ASIC2: variants seen among roughly 807,000 people sequenced by gnomAD.
ASIC2 encodes acid-sensing ion channel 2.
ASIC2 carries 25 observed loss-of-function variants against 57.3 expected under a neutral mutation model. That is an observed-to-expected ratio of 0.44 (90% CI 0.32 to 0.61). ASIC2 has a LOEUF of 0.61. Ranked by LOEUF, ASIC2 falls within the 20% of genes least tolerant of loss-of-function variation. The probability of loss-of-function intolerance (pLI) is 0.06; values close to 1 mark genes in which losing one functional copy is unlikely to be tolerated. For synonymous variants in ASIC2, 319 were observed against 307.5 expected (o/e 1.04, Z -0.39); for missense variants, 641 against 738.1 (o/e 0.87, Z 1.52).
At chr17:34,029,284 C>T (rs1019580066) in intron 1 of ASIC2, among the ~76,000 whole-genome samples, 7 of 150,196 alleles carry the variant, frequency 4.7e-5, no homozygotes, top group African/African-American at 1.7e-4. Flanking sequence ...CTATTACTGT[C>T]ATCCAGTGTC....
intron 1 of ASIC2, among the ~76,000 whole-genome samples, chr17:33,703,334 T>C (rs1368884182): frequency 6.6e-6 from 1 of 151,388 alleles, no homozygotes; most frequent in Admixed American, 6.6e-5. Flanking sequence ...TTTTTTTTTG[T>C]TGCTGTTGTT....
intron 1 of ASIC2, among the ~76,000 whole-genome samples, chr17:33,277,639 A>G (rs1297949723): frequency 1.3e-5 from 2 of 152,186 alleles, no homozygotes; most frequent in African/African-American, 4.8e-5. Context: ...GCCCTGGTGA[A>G]GATTAATCAG....
At chr17:33,789,552 C>T (rs1911706016) in intron 1 of ASIC2, among the ~76,000 whole-genome samples, 1 of 151,892 alleles carries the variant, frequency 6.6e-6, no homozygotes, top group South Asian at 2.1e-4. Context: ...ATGGGCTCCC[C>T]CTCTGAAGCC....
At chr17:33,506,005 T>C (rs1914239538) in intron 1 of ASIC2, among the ~76,000 whole-genome samples, 2 of 152,230 alleles carry the variant, frequency 1.3e-5, no homozygotes, top group Non-Finnish European at 2.9e-5. Flanking sequence ...AGCAGGTTTT[T>C]GATGAGATGG....
intron 1 of ASIC2, among the ~76,000 whole-genome samples, chr17:33,864,196 C>T (rs1210448914): frequency 6.6e-6 from 1 of 152,094 alleles, no homozygotes; most frequent in African/African-American, 2.4e-5. Context: ...CGTGAGCCAC[C>T]CCGCCTGGCC....
intron 1 of ASIC2, among the ~76,000 whole-genome samples, chr17:33,820,564 T>C (rs2141892672): frequency 6.6e-6 from 1 of 152,314 alleles, no homozygotes; most frequent in South Asian, 2.1e-4. Context: ...TACAAGTCAG[T>C]CAATAAGGTT....
chr17:33,799,486 CTT>C (rs1377057386), intron 1 of ASIC2, among the ~76,000 whole-genome samples: 3 of 138,644 alleles, frequency 2.2e-5, no homozygotes, highest in Admixed American at 1.5e-4. Context: ...TTCCTTCTTT[CTT>C]TCTTTCTTAC....
intron 1 of ASIC2, among the ~76,000 whole-genome samples, chr17:33,885,778 A>G (rs1467723691): frequency 6.6e-6 from 1 of 152,238 alleles, no homozygotes; most frequent in African/African-American, 2.4e-5. Context: ...TTAATTCCTT[A>G]GGAGGGATTT....
intron 1 of ASIC2, among the ~76,000 whole-genome samples, chr17:33,605,287 C>T (rs760312174): frequency 7.2e-5 from 11 of 152,336 alleles, no homozygotes; most frequent in Middle Eastern, 3.4e-3. Flanking sequence ...AAGGAAGACC[C>T]GTCTCATCTC....
At chr17:33,760,000 C>A (rs893915074) in intron 1 of ASIC2, among the ~76,000 whole-genome samples, 2 of 152,124 alleles carry the variant, frequency 1.3e-5, no homozygotes, top group African/African-American at 4.8e-5. Flanking sequence ...GACTTCCCAG[C>A]CTCCAGAACT....
chr17:33,439,306 C>T (rs1911742923), intron 1 of ASIC2, among the ~76,000 whole-genome samples: 1 of 152,148 alleles, frequency 6.6e-6, no homozygotes, highest in African/African-American at 2.4e-5. Flanking sequence ...ACTGTCTTAA[C>T]TTAAACTGGT....
chr17:34,043,797 A>G (rs1908227049), intron 1 of ASIC2, among the ~76,000 whole-genome samples: 2 of 152,154 alleles, frequency 1.3e-5, no homozygotes, highest in African/African-American at 2.4e-5. Flanking sequence ...GGGGCAATGG[A>G]CTGGGTGTGT....
At chr17:33,339,472 G>A (rs567076987) in intron 1 of ASIC2, among the ~76,000 whole-genome samples, 8 of 152,196 alleles carry the variant, frequency 5.3e-5, no homozygotes, top group Non-Finnish European at 1.2e-4. Context: ...TTGGCCTGTG[G>A]ATCATAGGTT....
intron 1 of ASIC2, among the ~76,000 whole-genome samples, chr17:33,399,574 G>A (rs1428719414): frequency 1.3e-5 from 2 of 152,188 alleles, no homozygotes; most frequent in South Asian, 2.1e-4. Flanking sequence ...CCCACAGCAT[G>A]CTGGCCACCA....
At chr17:33,976,252 A>G (rs1456952851) in intron 1 of ASIC2, among the ~76,000 whole-genome samples, 1 of 151,990 alleles carries the variant, frequency 6.6e-6, no homozygotes, top group Non-Finnish European at 1.5e-5. Flanking sequence ...GGTGCTTTGA[A>G]ATGGTACGAG....
rs138935243 is a variant in ASIC2, at chr17:33,884,314, A to G, written c.555+271664T>C. 4.7e-3 allele frequency among the ~76,000 whole-genome samples: 718 copies of G among 152,238 alleles called. 7 individuals are homozygous for G. The highest frequency in any genetic ancestry group is 3.3e-3 in the Non-Finnish European group (223 of 68,020). On this transcript the variant is annotated intron_variant, in intron 1 of 9. Coordinates refer to the ASIC2 transcript ENST00000359872. ...TGAATTCTATGGTGACAACTCCTCC[A>G]TGGCTCTGGGAACGCCATTTCCCTA...
At chr17:33,603,796 A>G (rs1597804382) in intron 1 of ASIC2, among the ~76,000 whole-genome samples, 1 of 152,356 alleles carries the variant, frequency 6.6e-6, no homozygotes, top group East Asian at 1.9e-4. Flanking sequence ...TCCCCACTCT[A>G]CACAAAGTCT....
Position 33,502,041 on chromosome 17 carries a change from G to A in ASIC2, c.556-389974C>T, listed in dbSNP as rs191658220. 7.5e-4 allele frequency among the ~76,000 whole-genome samples: 114 copies of A among 152,240 alleles called. 1 individual carries two copies. Among genetic ancestry groups the A allele is most frequent in the Admixed American group, 1.4e-3 (21 of 15,304 alleles). ...TAAGAGTGCCAGGCCAGAGGAGGTG[G>A]CTTCAGGGTGGACCCTGACACCTGA... On this transcript the variant is annotated intron_variant, in intron 1 of 9. Transcript: ENST00000359872.
At chr17:33,843,915 G>C (rs935230636) in intron 1 of ASIC2, among the ~76,000 whole-genome samples, 2 of 152,190 alleles carry the variant, frequency 1.3e-5, no homozygotes, top group Non-Finnish European at 2.9e-5. Flanking sequence ...CAACCATTAA[G>C]CCTTGGGAGT....
Sources: gnomAD v4.1 joint callset for allele counts (sites outside exome capture counted in the v4.1 genomes callset) on GRCh38, gnomAD v4.1.1 for gene constraint, MANE v1.5 for transcripts, NCBI Gene and HGNC (gene_info 2026-07-23, HGNC 2026-07-21) for gene names.